Variants in ANKRD31 observed in about 807,000 individuals in gnomAD.
ANKRD31 encodes the protein ankyrin repeat domain 31.
In ANKRD31, 147 loss-of-function variants were observed where a neutral mutation model predicts 186.0. The observed-to-expected ratio is 0.79, with a 90% CI of 0.69 to 0.91. The LOEUF (loss-of-function observed/expected upper bound fraction) is 0.91. ANKRD31 is among the 40% of genes least tolerant of loss of function. The pLI, the probability that ANKRD31 is intolerant of heterozygous loss-of-function variation, is 0.00. For synonymous variants in ANKRD31, 673 were observed against 736.4 expected (o/e 0.91, Z 1.39); for missense variants, 1,986 against 2,148.8 (o/e 0.92, Z 1.50).
chr5:75,111,394 T>C (rs1237258095), intron 20 of ANKRD31, among the ~76,000 whole-genome samples: 1 of 152,196 alleles, frequency 6.6e-6, no homozygotes, highest in Non-Finnish European at 1.5e-5. Flanking sequence ...GAAATAAATA[T>C]ACTAACTGTA....
intron 25 of ANKRD31, 22 bp downstream of exon 25, chr5:75,080,546 G>T (rs1403231011): frequency 1.2e-5 from 18 of 1,462,258 alleles, no homozygotes; most frequent in Non-Finnish European, 1.6e-5. Context: ...AAATGGAATT[G>T]AATATTTTCT....
intron 23 of ANKRD31, among the ~76,000 whole-genome samples, chr5:75,088,737 G>T (rs73765679): frequency 0.012 from 1,864 of 152,278 alleles, 41 homozygotes; most frequent in African/African-American, 0.042. Flanking sequence ...GCTAAATCAG[G>T]TCACTTAACT....
At chr5:75,093,409 G>A (rs1266471865) in intron 22 of ANKRD31, among the ~76,000 whole-genome samples, 1 of 152,064 alleles carries the variant, frequency 6.6e-6, no homozygotes, top group Non-Finnish European at 1.5e-5. Flanking sequence ...TTGAACCTGG[G>A]AGGTGGAGGT....
intron 9 of ANKRD31, among the ~76,000 whole-genome samples, chr5:75,192,014 C>G (rs895311082): frequency 1.3e-5 from 2 of 152,008 alleles, no homozygotes; most frequent in Non-Finnish European, 2.9e-5. Context: ...CTTCTAAATA[C>G]GTATGCATCC....
At chr5:75,233,068 T>C (rs1580608800) in intron 1 of ANKRD31, among the ~76,000 whole-genome samples, 1 of 57,824 alleles carries the variant, frequency 1.7e-5, no homozygotes, top group Non-Finnish European at 2.7e-5. Flanking sequence ...TTTCTTTTCC[T>C]TTTTTTTTTT....
At chr5:75,090,154 T>C (rs1745818645) in intron 23 of ANKRD31, among the ~76,000 whole-genome samples, 1 of 152,178 alleles carries the variant, frequency 6.6e-6, no homozygotes, top group Non-Finnish European at 1.5e-5. Context: ...AGATGCTAAT[T>C]ACTAACATTT....
chr5:75,140,286 A>AAAGGAAGGAAGGAGGGAAGG (rs1750939615), intron 15 of ANKRD31, among the ~76,000 whole-genome samples: 1 of 140,840 alleles, frequency 7.1e-6, no homozygotes, highest in Non-Finnish European at 1.6e-5. Context: ...AGAGAGAAAG[A>AAAGGAAGGAAGGAGGGAAGG]AAGGAAGGAA....
rs1262353858 is a variant in ANKRD31 at position 75,112,292 on chromosome 5, T to C, written c.4243+221A>G. On this transcript the variant is annotated intron_variant, in intron 20 of 25. Coordinates refer to ENST00000506364, the MANE Select transcript of ANKRD31 (RefSeq NM_001372053.1). ...CACAAACTACTGGTTTGCATCATGATAAAATCAGCCTTTTAGCTATCATTA... is the reference window on the plus strand; with the variant it reads ...CACAAACTACTGGTTTGCATCATGACAAAATCAGCCTTTTAGCTATCATTA... Among the ~76,000 whole-genome samples, 4 of 152,274 alleles carry C rather than the reference T, an allele frequency of 2.6e-5. No individual in the cohort carries two copies. The South Asian group carries it at 8.3e-4, about 32-fold the overall frequency.
At chr5:75,159,354 G>C (rs1429932068) in intron 11 of ANKRD31, among the ~76,000 whole-genome samples, 1 of 152,084 alleles carries the variant, frequency 6.6e-6, no homozygotes, top group Non-Finnish European at 1.5e-5. Flanking sequence ...TGCCAAATCT[G>C]ATGCAAAGCA....
At chr5:75,205,223 A>G (rs1275801207) in intron 5 of ANKRD31, among the ~76,000 whole-genome samples, 2 of 152,158 alleles carry the variant, frequency 1.3e-5, no homozygotes, top group East Asian at 3.8e-4. Flanking sequence ...AATCTTTTGT[A>G]CACTCCTAAC....
intron 19 of ANKRD31, among the ~76,000 whole-genome samples, chr5:75,113,820 C>T (rs1747975440): frequency 1.3e-5 from 2 of 152,102 alleles, no homozygotes; most frequent in Non-Finnish European, 2.9e-5. Flanking sequence ...AAAAACAACA[C>T]TAAGGTTTAC....
chr5:75,149,304 G>C (rs547809282), intron 12 of ANKRD31, among the ~76,000 whole-genome samples: 2 of 151,782 alleles, frequency 1.3e-5, no homozygotes, highest in South Asian at 4.2e-4. Context: ...ATTTGACAGA[G>C]GAAGGAATAA....
At chr5:75,131,348 C>T (rs540850313) in intron 17 of ANKRD31, among the ~76,000 whole-genome samples, 1 of 152,288 alleles carries the variant, frequency 6.6e-6, no homozygotes, top group East Asian at 1.9e-4. Context: ...GCAAACAGCA[C>T]ACCAGGAGAT....
intron 10 of ANKRD31, among the ~76,000 whole-genome samples, chr5:75,175,823 T>C (rs1490119019): frequency 6.6e-6 from 1 of 151,746 alleles, no homozygotes; most frequent in Admixed American, 6.6e-5. Context: ...AGAAGACGGG[T>C]GATTTCTGCA....
chr5:75,163,804 A>G (rs1235684427), intron 11 of ANKRD31, among the ~76,000 whole-genome samples: 1 of 152,208 alleles, frequency 6.6e-6, no homozygotes, highest in Non-Finnish European at 1.5e-5. Context: ...TATTTCCTTA[A>G]GGGGCCTACT....
intron 9 of ANKRD31, among the ~76,000 whole-genome samples, chr5:75,190,364 T>C (rs542215906): frequency 4.3e-4 from 65 of 152,310 alleles, no homozygotes; most frequent in Non-Finnish European, 8.2e-4. Flanking sequence ...ATACTTAGTC[T>C]AATTTTCTGT....
intron 12 of ANKRD31, among the ~76,000 whole-genome samples, chr5:75,153,527 T>C (rs1004687640): frequency 4.6e-5 from 7 of 151,936 alleles, no homozygotes; most frequent in African/African-American, 1.7e-4. Flanking sequence ...AGTTGAGTAA[T>C]GGTGGTAGAA....
intron 17 of ANKRD31, among the ~76,000 whole-genome samples, chr5:75,122,970 A>G (rs1250701306): frequency 6.6e-6 from 1 of 152,158 alleles, no homozygotes; most frequent in Admixed American, 6.5e-5. Flanking sequence ...AAAGGCATCC[A>G]AGTTGGAAAA....
At chr5:75,083,365 G>A (rs1359139114) in intron 24 of ANKRD31, among the ~76,000 whole-genome samples, 1 of 152,134 alleles carries the variant, frequency 6.6e-6, no homozygotes, top group African/African-American at 2.4e-5. Context: ...TAAAAGAATT[G>A]AAACCAGGTG....
Sources: gnomAD v4.1 joint callset for allele counts (sites outside exome capture counted in the v4.1 genomes callset) on GRCh38, gnomAD v4.1.1 for gene constraint, MANE v1.5 for transcripts, NCBI Gene and HGNC (gene_info 2026-07-23, HGNC 2026-07-21) for gene names.